Variants in MED12L observed in about 807,000 individuals in gnomAD.
The protein encoded by MED12L is mediator complex subunit 12L.
In MED12L, 60 loss-of-function variants were observed where a neutral mutation model predicts 281.3. That is an observed-to-expected ratio of 0.21 (90% CI 0.17 to 0.26). The LOEUF (loss-of-function observed/expected upper bound fraction) is 0.26. Ranked by LOEUF, MED12L falls within the 10% of genes least tolerant of loss-of-function variation. The pLI, the probability that MED12L is intolerant of heterozygous loss-of-function variation, is 1.00. For missense variants in MED12L, 2,146 were observed against 2,680.9 expected, an observed-to-expected ratio of 0.80 and a Z score of 4.41; for synonymous variants, 974 against 987.2, an observed-to-expected ratio of 0.99 and a Z score of 0.25.
chr3:151,136,525 G>A (rs756873878), intron 5 of MED12L, among the ~76,000 whole-genome samples: 5 of 152,150 alleles, frequency 3.3e-5, no homozygotes, highest in Admixed American at 6.5e-5. Flanking sequence ...GGTTTTAACC[G>A]GTGAGGTAAC....
At chr3:151,293,159 T>C (rs955507644) in intron 16 of MED12L, among the ~76,000 whole-genome samples, 6 of 152,208 alleles carry the variant, frequency 3.9e-5, no homozygotes, top group African/African-American at 1.4e-4. Flanking sequence ...TTGTAGTCCC[T>C]GAATTCTTTT....
Position 151,134,038 on chromosome 3 carries a change from T to C in MED12L, c.556+6054T>C, listed in dbSNP as rs572473231. On this transcript the variant is annotated intron_variant, in intron 5 of 44. Transcript: ENST00000687756. The stretch of plus-strand genomic sequence containing the variant: ...GTTAACAGCATTTCTTGAGCACTTA[T>C]GGAATCCCCGGTATTGTGATAAGCA... Among the ~76,000 whole-genome samples the C allele has an allele frequency of 5.0e-4, 76 of 152,330 alleles. 1 individual carries two copies. The highest frequency in any genetic ancestry group is 1.7e-3 in the African/African-American group (72 of 41,572).
intron 16 of MED12L, among the ~76,000 whole-genome samples, chr3:151,247,615 G>GATT (rs1463927745): frequency 2.3e-4 from 24 of 104,372 alleles, no homozygotes; most frequent in Non-Finnish European, 4.7e-4. Context: ...ACTGTTGTGG[G>GATT]GTCGGGGAGG....
chr3:151,258,073 A>G (rs1304436586), intron 16 of MED12L, among the ~76,000 whole-genome samples: 1 of 152,214 alleles, frequency 6.6e-6, no homozygotes, highest in Non-Finnish European at 1.5e-5. Context: ...CCCAGTATCT[A>G]TACCATTCCA....
At chr3:151,149,214 G>T (rs982096281) in intron 5 of MED12L, among the ~76,000 whole-genome samples, 4 of 152,144 alleles carry the variant, frequency 2.6e-5, no homozygotes, top group African/African-American at 9.7e-5. Context: ...GGGAGACAAA[G>T]CCCTGCTAGG....
chr3:151,304,417 T>C (rs568967769), intron 16 of MED12L, among the ~76,000 whole-genome samples: 5 of 151,928 alleles, frequency 3.3e-5, no homozygotes, highest in Non-Finnish European at 7.4e-5. Context: ...CTACTAAAAA[T>C]ACAAAAATTA....
chr3:151,334,029 A>G (rs937751771), intron 16 of MED12L, among the ~76,000 whole-genome samples: 3 of 152,138 alleles, frequency 2.0e-5, no homozygotes, highest in African/African-American at 7.2e-5. Context: ...GTGAGCTGAC[A>G]TCATGTCACT....
chr3:151,102,702 G>A (rs1355591090), intron 2 of MED12L, among the ~76,000 whole-genome samples: 1 of 152,116 alleles, frequency 6.6e-6, no homozygotes, highest in Non-Finnish European at 1.5e-5. Context: ...TGAATTCCTG[G>A]ACAATCAAGT....
chr3:151,315,507 T>C (rs1173606171), intron 16 of MED12L, among the ~76,000 whole-genome samples: 2 of 152,330 alleles, frequency 1.3e-5, no homozygotes, highest in South Asian at 2.1e-4. Context: ...GCCATCCATC[T>C]GCTCTTCTAG....
chr3:151,100,677 T>C (rs1721281590), intron 2 of MED12L, among the ~76,000 whole-genome samples: 1 of 152,238 alleles, frequency 6.6e-6, no homozygotes, highest in Admixed American at 6.5e-5. Context: ...AGAGTTGTTT[T>C]TACTCTGGTC....
intron 43 of MED12L, chr3:151,425,860 C>T (rs913306827): frequency 1.9e-5 from 8 of 415,308 alleles, no homozygotes; most frequent in Non-Finnish European, 2.5e-5. Context: ...TGGATGATAA[C>T]TTCAGCTGAT....
chr3:151,385,146 A>G lies in MED12L; in HGVS notation c.5043A>G (p.Thr1681=). Residue 1681 remains threonine, a synonymous_variant, in exon 36 of 45, where the codon ACA becomes ACG. Transcript: ENST00000687756. ...AACCTATGGGTTCCTTGATTGACACAAAAGGAAACAAAATTGCTGGATTTG... is the reference window on the plus strand; with the variant it reads ...AACCTATGGGTTCCTTGATTGACACGAAAGGAAACAAAATTGCTGGATTTG... ...TCEPMGSLID[T]KGNKIAGFDS... is the part of the protein sequence containing the mutation. The G allele has an allele frequency of 6.2e-7, 1 of 1,601,752 alleles. No individual in the cohort carries two copies. Among genetic ancestry groups the G allele is most frequent in the Non-Finnish European group, 8.5e-7 (1 of 1,174,466 alleles).
chr3:151,257,061 C>A (rs1046720089), intron 16 of MED12L, among the ~76,000 whole-genome samples: 22 of 151,950 alleles, frequency 1.4e-4, no homozygotes, highest in African/African-American at 5.3e-4. Flanking sequence ...ACAGCTGCTT[C>A]TGAGATACAA....
chr3:151,294,257 T>C (rs1441567355), intron 16 of MED12L: 1 of 1,613,936 alleles, frequency 6.2e-7, no homozygotes, highest in East Asian at 2.2e-5. Context: ...GGTTCTGATA[T>C]TTGATTTTTT....
chr3:151,325,958 A>T (rs1187463444), intron 16 of MED12L, among the ~76,000 whole-genome samples: 4 of 152,220 alleles, frequency 2.6e-5, no homozygotes, highest in Non-Finnish European at 4.4e-5. Context: ...TGATTATTTA[A>T]TTCTTTTATC....
rs111781029 is a variant in MED12L at position 151,279,540 on chromosome 3, C to T, written c.2251-70519C>T. Among the ~76,000 whole-genome samples, 957 of 152,308 alleles carry T rather than the reference C, an allele frequency of 6.3e-3. 7 individuals are homozygous for T. The highest frequency in any genetic ancestry group is 0.011 in the South Asian group (52 of 4,822). The stretch of plus-strand genomic sequence containing the variant: ...GACACAGAGCTTGTTTAGAGAAGTT[C>T]GCCATTTCTCCCTGCCAGAGGGACT... On this transcript the variant is annotated intron_variant, in intron 16 of 44. Coordinates refer to ENST00000687756, the MANE Select transcript of MED12L (RefSeq NM_001393769.1).
intron 2 of MED12L, among the ~76,000 whole-genome samples, chr3:151,108,487 G>A (rs1711496602): frequency 6.6e-6 from 1 of 152,164 alleles, no homozygotes; most frequent in African/African-American, 2.4e-5. Flanking sequence ...AGACATCCTT[G>A]GGGGTCTGAG....
At chr3:151,353,687 A>C (rs141979383) in intron 17 of MED12L, among the ~76,000 whole-genome samples, 1 of 152,356 alleles carries the variant, frequency 6.6e-6, no homozygotes, top group Non-Finnish European at 1.5e-5. Context: ...TACATTTGCC[A>C]TTAGCAAAAT....
chr3:151,350,123 G>A lies in MED12L; in HGVS notation c.2315G>A (p.Arg772His), dbSNP rs780300319. The A allele has an allele frequency of 6.2e-6, 10 of 1,613,552 alleles. No individual in the cohort carries two copies. Among genetic ancestry groups the A allele is most frequent in the South Asian group, 3.3e-5 (3 of 91,040 alleles). The change falls in exon 17 of 45, where the codon CGT (arginine) becomes CAT (histidine). Residue 772 changes from arginine (R) to histidine (H), a missense_variant. Coordinates refer to ENST00000687756, the MANE Select transcript of MED12L (RefSeq NM_001393769.1). ...TILLYGVGKE[R>H]DEARHQLKKI... is the part of the protein sequence containing the mutation. ...CTTCTCTATGGAGTCGGCAAAGAGC[G>A]TGATGAAGCAAGGCATCAGCTGAAG...
Sources: gnomAD v4.1 joint callset for allele counts (sites outside exome capture counted in the v4.1 genomes callset) on GRCh38, gnomAD v4.1.1 for gene constraint, MANE v1.5 for transcripts, NCBI Gene and HGNC (gene_info 2026-07-23, HGNC 2026-07-21) for gene names.